PGAP4: variants seen among roughly 807,000 people sequenced by gnomAD.
PGAP4 encodes GPI-N-acetylgalactosamine transferase PGAP4.
In PGAP4, 12 loss-of-function variants were observed where a neutral mutation model predicts 28.2. The ratio of observed to expected loss-of-function variants is 0.42; its 90% CI spans 0.27 to 0.69. The LOEUF (loss-of-function observed/expected upper bound fraction) is 0.69. Among genes scored for constraint, PGAP4 ranks in the 30% least tolerant of loss-of-function variants. PGAP4 has a pLI of 0.22. For synonymous variants in PGAP4, 205 were observed against 211.8 expected, an observed-to-expected ratio of 0.97 and a Z score of 0.28; for missense variants, 425 against 513.5, an observed-to-expected ratio of 0.83 and a Z score of 1.67.
At position 101,486,044 on chromosome 9, in the gene PGAP4, G is replaced by T. The variant is rs1293316144; in HGVS notation, c.-78+905C>A. 6.6e-6 allele frequency among the ~76,000 whole-genome samples: 1 copy of T among 152,194 alleles called. No individual in the cohort carries two copies. The highest frequency in any genetic ancestry group is 2.4e-5 in the African/African-American group (1 of 41,472). On this transcript the variant is annotated intron_variant, in intron 1 of 1. Transcript: ENST00000374848. The surrounding 1 kb of genome is among the most constrained non-coding windows in gnomAD (Gnocchi z 4.7). Reference sequence around the variant, plus strand: ...TGGAGCCGCCCTGCGGTCCCCCGGAGAGAGCCTGGGCCGAGCAGAGGATGC... The same window carrying T: ...TGGAGCCGCCCTGCGGTCCCCCGGATAGAGCCTGGGCCGAGCAGAGGATGC...
At chr9:101,530,693 A>G (rs2118645037) in intron 2 of PGAP4, among the ~76,000 whole-genome samples, 1 of 152,294 alleles carries the variant, frequency 6.6e-6, no homozygotes, top group Non-Finnish European at 1.5e-5. Context: ...TATTTTCCCA[A>G]TTCGCTAGAG....
intron 2 of PGAP4, among the ~76,000 whole-genome samples, chr9:101,500,735 A>C (rs770765346): frequency 3.3e-5 from 5 of 152,050 alleles, no homozygotes; most frequent in Non-Finnish European, 7.4e-5. Flanking sequence ...AAATTAAAAG[A>C]AGCTCAGGAA....
intron 2 of PGAP4, among the ~76,000 whole-genome samples, chr9:101,507,797 C>T (rs1826860192): frequency 6.6e-6 from 1 of 152,044 alleles, no homozygotes; most frequent in African/African-American, 2.4e-5. Context: ...ACCCAAATTG[C>T]CTTAAAGCTA....
chr9:101,494,100 T>C (rs751598714), intron 2 of PGAP4, among the ~76,000 whole-genome samples: 10 of 152,058 alleles, frequency 6.6e-5, no homozygotes, highest in Non-Finnish European at 1.5e-4. Context: ...ATTTATAGTC[T>C]TAAGTTCTTG....
upstream of PGAP4, among the ~76,000 whole-genome samples, chr9:101,488,319 T>C (rs1195046602): frequency 6.6e-6 from 1 of 152,086 alleles, no homozygotes; most frequent in Non-Finnish European, 1.5e-5. Flanking sequence ...CTTGGGAAGG[T>C]AGTTTCATTT....
intron 1 of PGAP4, among the ~76,000 whole-genome samples, chr9:101,485,658 A>G (rs1462765877): frequency 1.3e-5 from 2 of 152,216 alleles, no homozygotes; most frequent in African/African-American, 4.8e-5. Flanking sequence ...TTAAGACAAG[A>G]TACCATTTTT....
In PGAP4 at chr9:101,525,699, CAAA is replaced by C. The variant is rs397893277; in HGVS notation, c.-165+5646_-165+5648del. Among the ~76,000 whole-genome samples, 19 of 61,418 alleles carry C rather than the reference CAAA, an allele frequency of 3.1e-4. No individual in the cohort carries two copies. The East Asian group carries it at 3.7e-3, about 12-fold the overall frequency. 40.3% of individuals were successfully genotyped at this position (61,418 alleles called of 152,430 possible). A position where few individuals can be genotyped will look rare whatever the true frequency, so the allele number is the denominator to read the frequency against. On this transcript the variant is annotated intron_variant, in intron 2 of 3. Coordinates refer to the PGAP4 transcript ENST00000374851. ...CTCCAGCCTCGGCAACAGAGCGTCT[CAAA>C]AAAAAAAAAAAAAAAAAAAGAGAGA... is the stretch of plus-strand genomic sequence containing the variant.
chr9:101,515,737 C>A (rs1375550307), intron 2 of PGAP4, among the ~76,000 whole-genome samples: 2 of 151,944 alleles, frequency 1.3e-5, no homozygotes, highest in African/African-American at 2.4e-5. Context: ...TGATTTAAAT[C>A]TTAGAAACAT....
At chr9:101,477,922 G>GT (rs1414877476) in intron 1 of PGAP4, among the ~76,000 whole-genome samples, 2 of 148,954 alleles carry the variant, frequency 1.3e-5, no homozygotes, top group African/African-American at 2.5e-5. Flanking sequence ...TGAGGGAGCG[G>GT]GGGGGGAAAG....
At chr9:101,503,733 C>T (rs1405774306) in intron 2 of PGAP4, among the ~76,000 whole-genome samples, 2 of 151,916 alleles carry the variant, frequency 1.3e-5, no homozygotes, top group East Asian at 3.9e-4. Flanking sequence ...AAGCTTATAG[C>T]ATCCTGGTTC....
intron 2 of PGAP4, among the ~76,000 whole-genome samples, chr9:101,522,143 T>C (rs1211042297): frequency 2.6e-4 from 40 of 152,322 alleles, no homozygotes. Flanking sequence ...ATATAGTCTG[T>C]CTTGGAGAAA....
In PGAP4 at chr9:101,475,598, A is replaced by G; in HGVS notation, c.*283T>C. The G allele has an allele frequency of 2.4e-6, 1 of 422,632 alleles. No individual in the cohort carries two copies. The highest frequency in any genetic ancestry group is 4.2e-6 in the Non-Finnish European group (1 of 236,712). 26.2% of individuals were successfully genotyped at this position (422,632 alleles called of 1,614,324 possible). A position where few individuals can be genotyped will look rare whatever the true frequency, so the allele number is the denominator to read the frequency against. ...AGCAGAGCTTAAAAACAAATGGAGA[A>G]TATAATCAGTGTTCAAATGCACCCT... On this transcript the variant is annotated 3_prime_UTR_variant, in exon 2 of 2. Transcript: ENST00000374848.
chr9:101,527,601 C>A (rs944786695), intron 2 of PGAP4, among the ~76,000 whole-genome samples: 1 of 151,986 alleles, frequency 6.6e-6, no homozygotes, highest in African/African-American at 2.4e-5. Context: ...TATATGGACC[C>A]CTCTTTCAAA....
chr9:101,529,726 G>A (rs1039466361), intron 2 of PGAP4, among the ~76,000 whole-genome samples: 2 of 152,200 alleles, frequency 1.3e-5, no homozygotes, highest in African/African-American at 2.4e-5. Context: ...AAGGTGTGGC[G>A]AGGGTGAATG....
chr9:101,498,178 TGGTGA>T (rs1826768290), intron 2 of PGAP4, among the ~76,000 whole-genome samples: 1 of 151,868 alleles, frequency 6.6e-6, no homozygotes, highest in Non-Finnish European at 1.5e-5. Context: ...GTTTGCATTG[TGGTGA>T]GGACTAGCTG....
intron 2 of PGAP4, among the ~76,000 whole-genome samples, chr9:101,504,219 T>G (rs1588206859): frequency 1.4e-5 from 2 of 140,080 alleles, no homozygotes; most frequent in Non-Finnish European, 3.1e-5. Flanking sequence ...GTTTTTTTTT[T>G]TTTTTTTTTT....
chr9:101,520,194 G>A (rs531251519), intron 2 of PGAP4, among the ~76,000 whole-genome samples: 1 of 152,084 alleles, frequency 6.6e-6, no homozygotes. Flanking sequence ...GGCTATACAA[G>A]CTCCTTTTTG....
chr9:101,516,425 T>C (rs1826944304), intron 2 of PGAP4, among the ~76,000 whole-genome samples: 1 of 152,220 alleles, frequency 6.6e-6, no homozygotes, highest in Admixed American at 6.6e-5. Flanking sequence ...TCAGACTTTA[T>C]CTTCATTCTC....
intron 1 of PGAP4, chr9:101,481,614 C>T (rs1004798033): frequency 6.6e-6 from 1 of 152,120 alleles, no homozygotes; most frequent in Non-Finnish European, 1.5e-5. Context: ...GACACAGACT[C>T]TGAGAAATGA....
Sources: allele counts gnomAD v4.1 joint callset (sites outside exome capture counted in the v4.1 genomes callset), GRCh38; gene constraint gnomAD v4.1.1; non-coding constraint Gnocchi (gnomAD v3.1); transcripts MANE v1.5; gene names NCBI Gene and HGNC (gene_info 2026-07-23, HGNC 2026-07-21).